The following NMBR variants were observed in gnomAD, a reference collection of about 807,000 sequenced individuals.
NMBR encodes the protein neuromedin B receptor, also known as neuromedin-B receptor.
Under a neutral mutation model 20.5 loss-of-function variants are expected in NMBR, and 16 were observed. The observed-to-expected ratio is 0.78, with a 90% CI of 0.53 to 1.19. The LOEUF is 1.19. NMBR is among the 50% of genes most tolerant of loss of function. NMBR has a pLI of 0.00. For synonymous variants in NMBR, 212 were observed against 196.6 expected (o/e 1.08, Z -0.65); for missense variants, 582 against 499.1 (o/e 1.17, Z -1.58).
In NMBR at chr6:142,106,239, T is replaced by TA. The variant is rs1777659985; in HGVS notation, c.-663-16919dup. ...CTGGACAATCTAACTCTTCCCAAAA[T>TA]AGCAAGGAGGCAAAACAGGGAGAGC... On this transcript the variant is annotated intron_variant, in intron 1 of 3. Transcript: ENST00000258042. Among the ~76,000 whole-genome samples, 5 of 152,104 alleles carry TA rather than the reference T, an allele frequency of 3.3e-5. No homozygotes were observed. In the South Asian group the frequency reaches 1.0e-3, roughly 32 times the overall value.
At chr6:142,093,701 A>G (rs1197584314) in intron 1 of NMBR, among the ~76,000 whole-genome samples, 1 of 152,090 alleles carries the variant, frequency 6.6e-6, no homozygotes, top group African/African-American at 2.4e-5. Context: ...TGGTAATTCT[A>G]GTTCTAGATC....
At chr6:142,106,875 G>A (rs1777673229) in intron 1 of NMBR, among the ~76,000 whole-genome samples, 2 of 152,194 alleles carry the variant, frequency 1.3e-5, no homozygotes, top group Admixed American at 6.5e-5. Flanking sequence ...GGCTTGTGAT[G>A]TAAATTTAAA....
chr6:142,109,842 A>G lies in NMBR; in HGVS notation c.-663-20521T>C, dbSNP rs145233063. Among the ~76,000 whole-genome samples the G allele has an allele frequency of 2.7e-3, 415 of 152,238 alleles. 8 individuals carry two copies. Among genetic ancestry groups the G allele is most frequent in the East Asian group, 0.016 (84 of 5,170 alleles). ...TTGATGCCCTCATAAAAGAGGCCCA[A>G]GGGAGTTTATTTGCCCCTTCCCACA... On this transcript the variant is annotated intron_variant, in intron 1 of 3. Transcript: ENST00000258042.
chr6:142,104,312 G>C (rs1224092893), intron 1 of NMBR, among the ~76,000 whole-genome samples: 1 of 152,152 alleles, frequency 6.6e-6, no homozygotes, highest in Non-Finnish European at 1.5e-5. Flanking sequence ...TACCATTTTG[G>C]AACATCTATT....
At chr6:142,081,968 A>G (rs1436780519) in intron 2 of NMBR, among the ~76,000 whole-genome samples, 1 of 152,202 alleles carries the variant, frequency 6.6e-6, no homozygotes, top group African/African-American at 2.4e-5. Context: ...TTCTTCATCA[A>G]TTCTTATTTT....
chr6:142,085,944 G>C (rs1777190100), intron 2 of NMBR, among the ~76,000 whole-genome samples: 1 of 149,392 alleles, frequency 6.7e-6, no homozygotes, highest in Non-Finnish European at 1.5e-5. Flanking sequence ...TTGAATTCAA[G>C]GTGCTTCTTT....
chr6:142,090,560 T>C (rs1777304301), intron 1 of NMBR, among the ~76,000 whole-genome samples: 1 of 149,614 alleles, frequency 6.7e-6, no homozygotes, highest in Admixed American at 6.7e-5. Context: ...TATGTATAAA[T>C]ATATTTGAAT....
chr6:142,115,112 G>A (rs900086777), intron 1 of NMBR, among the ~76,000 whole-genome samples: 30 of 152,014 alleles, frequency 2.0e-4, no homozygotes, highest in Non-Finnish European at 2.5e-4. Context: ...TGCTCAAATC[G>A]ACTGGTTTTT....
intron 1 of NMBR, among the ~76,000 whole-genome samples, chr6:142,108,417 A>C (rs1582850635): frequency 6.6e-6 from 1 of 152,320 alleles, no homozygotes; most frequent in Admixed American, 6.5e-5. Context: ...ACCTGAGATT[A>C]GGTAATTTAT....
chr6:142,095,295 T>C (rs1161456024), intron 1 of NMBR, among the ~76,000 whole-genome samples: 1 of 152,206 alleles, frequency 6.6e-6, no homozygotes, highest in East Asian at 1.9e-4. Context: ...GGGTTTGTCA[T>C]AGATAGCTCT....
intron 1 of NMBR, among the ~76,000 whole-genome samples, chr6:142,124,870 A>T (rs576580124): frequency 1.3e-5 from 2 of 152,038 alleles, no homozygotes; most frequent in East Asian, 3.9e-4. Flanking sequence ...AAACCATAGA[A>T]TTGTGAAATT....
intron 2 of NMBR, 49 bp downstream of exon 2, chr6:142,088,187 GC>G: frequency 6.4e-7 from 1 of 1,562,232 alleles, no homozygotes. Flanking sequence ...TTCTCTACTC[GC>G]CCCTCTCCAC....
intron 1 of NMBR, among the ~76,000 whole-genome samples, chr6:142,124,889 A>G (rs1054991161): frequency 6.6e-6 from 1 of 151,928 alleles, no homozygotes; most frequent in African/African-American, 2.4e-5. Flanking sequence ...TTACTTACAC[A>G]TCATAGAATC....
intron 1 of NMBR, among the ~76,000 whole-genome samples, chr6:142,137,370 G>A (rs990956948): frequency 2.6e-5 from 4 of 152,106 alleles, no homozygotes; most frequent in Non-Finnish European, 4.4e-5. Flanking sequence ...TGCTGAAGTT[G>A]CTTATCAGCT....
chr6:142,107,712 T>C lies in NMBR; in HGVS notation c.-663-18391A>G, dbSNP rs539638754. Among the ~76,000 whole-genome samples the C allele has an allele frequency of 9.2e-5, 14 of 152,032 alleles. No homozygotes were observed. The South Asian group carries it at 2.5e-3, about 27-fold the overall frequency. ...GAGTGTGACCCTTATACCGGAAAAA[T>C]GTAGGCAACAAAAACTGCCTTTCAG... is the stretch of plus-strand genomic sequence containing the variant. On this transcript the variant is annotated intron_variant, in intron 1 of 3. Coordinates refer to ENST00000258042, the MANE Select transcript of NMBR (RefSeq NM_002511.4).
At chr6:142,115,549 G>A (rs1777836513) in intron 1 of NMBR, among the ~76,000 whole-genome samples, 1 of 152,048 alleles carries the variant, frequency 6.6e-6, no homozygotes, top group Middle Eastern at 3.2e-3. Context: ...TTACTCTGGT[G>A]CTGGGTGTAG....
intron 1 of NMBR, among the ~76,000 whole-genome samples, chr6:142,093,485 T>C (rs1562236665): frequency 6.6e-6 from 1 of 151,974 alleles, no homozygotes; most frequent in African/African-American, 2.4e-5. Context: ...CAGGAACTCA[T>C]CATTTTTTAT....
intron 2 of NMBR, among the ~76,000 whole-genome samples, chr6:142,080,654 A>T (rs562290036): frequency 5.0e-4 from 76 of 152,282 alleles, no homozygotes; most frequent in African/African-American, 1.5e-3. Flanking sequence ...ATAAAAATTT[A>T]ATCTCTTTCC....
intron 1 of NMBR, among the ~76,000 whole-genome samples, chr6:142,143,869 G>A (rs550031938): frequency 1.3e-5 from 2 of 151,976 alleles, no homozygotes; most frequent in South Asian, 2.1e-4. Context: ...CATGTGGACC[G>A]GGCATGAAGA....
Sources: gnomAD v4.1 joint callset for allele counts (sites outside exome capture counted in the v4.1 genomes callset) on GRCh38, gnomAD v4.1.1 for gene constraint, MANE v1.5 for transcripts, NCBI Gene and HGNC (gene_info 2026-07-23, HGNC 2026-07-21) for gene names.